ATP2C1: variants seen among roughly 807,000 people sequenced by gnomAD.
ATP2C1 encodes the protein calcium-transporting ATPase type 2C member 1.
A neutral mutation model predicts 120.5 loss-of-function variants in ATP2C1; 31 were observed. The observed-to-expected ratio is 0.26, with a 90% CI of 0.19 to 0.35. The LOEUF (loss-of-function observed/expected upper bound fraction) is 0.35. ATP2C1 is among the 10% of genes least tolerant of loss of function. The probability of loss-of-function intolerance (pLI) is 1.00; values close to 1 mark genes in which losing one functional copy is unlikely to be tolerated. For missense variants in ATP2C1, 731 were observed against 1,107.5 expected (o/e 0.66, Z 4.83); for synonymous variants, 351 against 358.7 (o/e 0.98, Z 0.24).
intron 11 of ATP2C1, 86 bp downstream of exon 11, chr3:130,956,265 T>C: frequency 1.3e-6 from 1 of 776,458 alleles, no homozygotes; most frequent in East Asian, 2.8e-5. Flanking sequence ...TTTTATTTAT[T>C]GGCTTTTCTT....
intron 2 of ATP2C1, among the ~76,000 whole-genome samples, chr3:130,905,359 T>C (rs1258251478): frequency 6.6e-6 from 1 of 152,102 alleles, no homozygotes; most frequent in East Asian, 1.9e-4. Flanking sequence ...TTGGTCTTTT[T>C]TCCTGTTCAG....
intron 11 of ATP2C1, among the ~76,000 whole-genome samples, chr3:130,956,819 GCTTTGTCAT>G (rs1559972313): frequency 6.6e-6 from 1 of 152,124 alleles, no homozygotes; most frequent in East Asian, 1.9e-4. Flanking sequence ...GAAACCGAAT[GCTTTGTCAT>G]GTGTGGGTTG....
At chr3:130,918,549 G>A (rs1199670229) in intron 2 of ATP2C1, 5 of 745,730 alleles carry the variant, frequency 6.7e-6, no homozygotes, top group African/African-American at 1.7e-5. Context: ...CTCTCACCAC[G>A]GTCCATGTTA....
chr3:130,924,771 A>G (rs1489181742), intron 2 of ATP2C1, among the ~76,000 whole-genome samples: 2 of 151,934 alleles, frequency 1.3e-5, no homozygotes, highest in Non-Finnish European at 2.9e-5. Flanking sequence ...TTTTTTTTAA[A>G]ATAATTTTTC....
intron 20 of ATP2C1, among the ~76,000 whole-genome samples, chr3:130,986,950 T>G (rs1038427548): frequency 1.4e-5 from 2 of 145,054 alleles, no homozygotes; most frequent in African/African-American, 2.6e-5. Context: ...TAGTTTAGTT[T>G]AGTTTTAGAG....
chr3:130,875,883 G>GT (rs368689457), intron 1 of ATP2C1, among the ~76,000 whole-genome samples: 17,283 of 141,160 alleles, frequency 0.12, 987 homozygotes, highest in Non-Finnish European at 0.13. Context: ...GATGTCGAGT[G>GT]TTTTTTTTTT....
intron 18 of ATP2C1, among the ~76,000 whole-genome samples, chr3:130,978,782 T>C (rs926647021): frequency 5.9e-5 from 9 of 152,230 alleles, no homozygotes; most frequent in African/African-American, 2.2e-4. Flanking sequence ...TACAGCCTTC[T>C]CTTCAGAGTG....
chr3:130,944,471 G>C (rs912833071), intron 8 of ATP2C1, among the ~76,000 whole-genome samples: 1 of 152,120 alleles, frequency 6.6e-6, no homozygotes, highest in Non-Finnish European at 1.5e-5. Context: ...CTATCTTCTT[G>C]CAGAGTCCTC....
chr3:130,957,447 T>A (rs2060628663), intron 11 of ATP2C1, among the ~76,000 whole-genome samples: 1 of 152,192 alleles, frequency 6.6e-6, no homozygotes, highest in Non-Finnish European at 1.5e-5. Context: ...GTCACGTTTT[T>A]ATCACACATT....
intron 2 of ATP2C1, among the ~76,000 whole-genome samples, chr3:130,901,790 C>T (rs1213557633): frequency 6.6e-6 from 1 of 152,022 alleles, no homozygotes; most frequent in East Asian, 1.9e-4. Flanking sequence ...GACTCTGGGA[C>T]GTACCTACTG....
At chr3:131,011,875 G>A (rs891330985) in intron 26 of ATP2C1, among the ~76,000 whole-genome samples, 8 of 152,188 alleles carry the variant, frequency 5.3e-5, no homozygotes, top group African/African-American at 9.6e-5. Flanking sequence ...ATCATTTTTC[G>A]GTGAACCACC....
At chr3:130,911,264 A>G (rs1356984275) in intron 2 of ATP2C1, among the ~76,000 whole-genome samples, 4 of 146,152 alleles carry the variant, frequency 2.7e-5, no homozygotes, top group Non-Finnish European at 6.0e-5. Context: ...CTCTGATGGT[A>G]GTTTGTATTT....
chr3:130,894,363 C>T lies in ATP2C1; in HGVS notation c.-181+26C>T. On this transcript the variant is annotated intron_variant, in intron 1 of 27. Transcript: ENST00000510168. This position sits in a 1 kb window ranked among gnomAD's most constrained non-coding sequence, Gnocchi z 4.5. ...GTGGGTACCAGTATTACCTCCTGCC[C>T]CCATTTCTAGAAACTTCCAGGTTCT... 1 of 1,097,190 alleles carries T rather than the reference C, an allele frequency of 9.1e-7. No homozygotes were observed. Among genetic ancestry groups the T allele is most frequent in the Non-Finnish European group, 1.1e-6 (1 of 894,208 alleles). 68.0% of individuals were successfully genotyped at this position (1,097,190 alleles called of 1,614,324 possible). A position where few individuals can be genotyped will look rare whatever the true frequency, so the allele number is the denominator to read the frequency against.
At chr3:130,873,601 T>C (rs2068503811) in intron 1 of ATP2C1, among the ~76,000 whole-genome samples, 1 of 152,142 alleles carries the variant, frequency 6.6e-6, no homozygotes, top group South Asian at 2.1e-4. Flanking sequence ...GAGGAAAAAA[T>C]ATAAGTTTTT....
chr3:131,005,150 C>G (rs551864445), downstream of ATP2C1, among the ~76,000 whole-genome samples: 2 of 129,152 alleles, frequency 1.5e-5, no homozygotes, highest in Admixed American at 8.6e-5. Flanking sequence ...GGGTCTCACT[C>G]TGTCCCCCAG....
chr3:130,850,895 A>T, exon 1 of ATP2C1: 2 of 1,429,818 alleles, frequency 1.4e-6, no homozygotes, highest in Non-Finnish European at 1.8e-6. Context: ...GGAGATATTT[A>T]TCGACGCTGA....
downstream of ATP2C1, among the ~76,000 whole-genome samples, chr3:131,005,014 G>A (rs2063048562): frequency 1.3e-5 from 2 of 152,098 alleles, no homozygotes; most frequent in Admixed American, 1.3e-4. Flanking sequence ...ACTGAAATAG[G>A]GAGACCAATT....
At chr3:131,015,937 T>G in intron 26 of ATP2C1, 1 of 723,538 alleles carries the variant, frequency 1.4e-6, no homozygotes, top group Non-Finnish European at 2.4e-6. Context: ...CATGGAAACA[T>G]TCTTTGAGAA....
chr3:130,855,267 T>C (rs561331967), intron 1 of ATP2C1, among the ~76,000 whole-genome samples: 1 of 152,252 alleles, frequency 6.6e-6, no homozygotes, highest in East Asian at 1.9e-4. Flanking sequence ...TTATTTTAGC[T>C]CAATGCGGGG....
Sources: allele counts gnomAD v4.1 joint callset (sites outside exome capture counted in the v4.1 genomes callset), GRCh38; gene constraint gnomAD v4.1.1; non-coding constraint Gnocchi (gnomAD v3.1); transcripts MANE v1.5; gene names NCBI Gene and HGNC (gene_info 2026-07-23, HGNC 2026-07-21).